Variants in DYRK1A observed in about 807,000 individuals in gnomAD.
DYRK1A encodes the protein dual specificity tyrosine phosphorylation regulated kinase 1A.
Under a neutral mutation model 79.7 loss-of-function variants are expected in DYRK1A, and 9 were observed. The observed-to-expected ratio is 0.11, with a 90% confidence interval of 0.07 to 0.20. DYRK1A has a LOEUF of 0.20. Ranked by LOEUF, DYRK1A falls within the 10% of genes least tolerant of loss-of-function variation. The pLI, the probability that DYRK1A is intolerant of heterozygous loss-of-function variation, is 1.00. For missense variants in DYRK1A, 622 were observed against 956.0 expected (o/e 0.65, Z 4.61); for synonymous variants, 349 against 329.7 (o/e 1.06, Z -0.63).
At chr21:37,429,841 G>A (rs903848721) in intron 2 of DYRK1A, among the ~76,000 whole-genome samples, 4 of 152,044 alleles carry the variant, frequency 2.6e-5, no homozygotes, top group Non-Finnish European at 4.4e-5. Flanking sequence ...CCTTTTCCTC[G>A]TTTCCACTTA....
intron 2 of DYRK1A, among the ~76,000 whole-genome samples, chr21:37,454,630 A>G (rs1356484112): frequency 6.6e-6 from 1 of 152,188 alleles, no homozygotes; most frequent in East Asian, 1.9e-4. Flanking sequence ...TAATTAATGT[A>G]CCTATTGGGT....
intron 1 of DYRK1A, among the ~76,000 whole-genome samples, chr21:37,378,419 C>A (rs2049591472): frequency 6.6e-6 from 1 of 152,214 alleles, no homozygotes; most frequent in Admixed American, 6.5e-5. Context: ...GTAATCCCAG[C>A]TACTGGGGAG....
chr21:37,401,988 C>T (rs779388535), intron 1 of DYRK1A, among the ~76,000 whole-genome samples: 4 of 152,118 alleles, frequency 2.6e-5, no homozygotes, highest in Non-Finnish European at 5.9e-5. Context: ...TTTCCACTTC[C>T]CACTTCCCAT....
At chr21:37,412,504 TAG>T (rs1316324243) in intron 1 of DYRK1A, among the ~76,000 whole-genome samples, 3 of 152,076 alleles carry the variant, frequency 2.0e-5, no homozygotes, top group Non-Finnish European at 4.4e-5. Flanking sequence ...TTTTTGGGAG[TAG>T]AGTCTGATGT....
chr21:37,390,515 A>G (rs142165395), intron 1 of DYRK1A, among the ~76,000 whole-genome samples: 20 of 152,280 alleles, frequency 1.3e-4, no homozygotes, highest in African/African-American at 4.6e-4. Flanking sequence ...CCCATAGTGT[A>G]GTGTTCTTTA....
chr21:37,419,766 A>G (rs536543721), intron 1 of DYRK1A: 3 of 152,320 alleles, frequency 2.0e-5, no homozygotes, highest in Admixed American at 2.0e-4. Flanking sequence ...TTACAATAAA[A>G]TAAGAGAAAC....
In DYRK1A at chr21:37,505,329, T is replaced by C. The variant is rs770275081; in HGVS notation, c.1259T>C (p.Val420Ala). ...GTRKLHNILG[V>A]ETGGPGGRRA... ...CGTAAACTTCATAACATTCTTGGAG[T>C]GGAAACAGGAGGACCTGGTGGGCGA... Residue 420 changes from valine (V) to alanine (A), a missense_variant, in exon 10 of 12, where the codon GTG becomes GCG. By Grantham distance (64) the Val-to-Ala change is moderately conservative. This residue lies in a region of DYRK1A where 80 missense variants were observed against 116.5 expected (regional missense o/e 0.69). Transcript: ENST00000647188. 4 of 1,613,702 alleles carry C rather than the reference T, an allele frequency of 2.5e-6. No individual in the cohort carries two copies. The East Asian group carries it at 8.9e-5, about 36-fold the overall frequency.
At chr21:37,486,356 A>T (rs1197220943) in intron 5 of DYRK1A, 111 bp from the exon 6 acceptor site, 2 of 874,684 alleles carry the variant, frequency 2.3e-6, no homozygotes, top group Non-Finnish European at 3.2e-6. Context: ...AAAAATAATT[A>T]TAAAAACATA....
Position 37,514,501 on chromosome 21 carries a change from T to A in DYRK1A, c.*1970T>A, listed in dbSNP as rs1317253065. The A allele has an allele frequency of 6.6e-6, 1 of 152,648 alleles. No individual in the cohort carries two copies. Among genetic ancestry groups the A allele is most frequent in the Non-Finnish European group, 1.5e-5 (1 of 68,034 alleles). 9.5% of individuals were successfully genotyped at this position (152,648 alleles called of 1,614,324 possible). ...CACCGCGTTTCATTCTATTGGTCAA[T>A]TCCATGTGGCTGACTAGGTCAATTT... On this transcript the variant is annotated 3_prime_UTR_variant, in exon 12 of 12. Coordinates refer to ENST00000647188, the MANE Select transcript of DYRK1A (RefSeq NM_001347721.2).
At position 37,457,026 on chromosome 21, in the gene DYRK1A, TTACTTACTTAC is replaced by T. The variant is rs1446135036; in HGVS notation, c.11-15656_11-15646del. Among the ~76,000 whole-genome samples, 453 of 70,650 alleles carry T rather than the reference TTACTTACTTAC, an allele frequency of 6.4e-3. 3 individuals carry two copies. The highest frequency in any genetic ancestry group is 0.023 in the African/African-American group (380 of 16,194). The allele number at this position is 70,650 out of a possible 152,430, so 46.3% of individuals were successfully genotyped here. ...GTAAAAAGAAAATTTACTTACTTAC[TTACTTACTTAC>T]TTATTTATTTATTTATTTATTTATT... On this transcript the variant is annotated intron_variant, in intron 2 of 11. Coordinates refer to ENST00000647188, the MANE Select transcript of DYRK1A (RefSeq NM_001347721.2).
In DYRK1A at chr21:37,454,144, G is replaced by A. The variant is rs1373351937; in HGVS notation, c.11-18540G>A. 2.3e-5 allele frequency among the ~76,000 whole-genome samples: 3 copies of A among 128,702 alleles called. No homozygotes were observed. In the Admixed American group the frequency reaches 2.9e-4, roughly 12 times the overall value. The allele number at this position is 128,702 out of a possible 152,430, so 84.4% of individuals were successfully genotyped here. The stretch of plus-strand genomic sequence containing the variant: ...GTCTCACTGTGTTGCCCAGGCTGTA[G>A]TGCAGTAGTGTGATCACAGCTCACT... On this transcript the variant is annotated intron_variant, in intron 2 of 11. Coordinates refer to ENST00000647188, the MANE Select transcript of DYRK1A (RefSeq NM_001347721.2).
At chr21:37,381,356 A>G (rs1175046256) in intron 1 of DYRK1A, among the ~76,000 whole-genome samples, 2 of 152,244 alleles carry the variant, frequency 1.3e-5, no homozygotes, top group Admixed American at 1.3e-4. Flanking sequence ...GAATAATTCA[A>G]CAAATGCACA....
intron 2 of DYRK1A, among the ~76,000 whole-genome samples, chr21:37,444,625 C>T (rs1233249112): frequency 0.011 from 3 of 276 alleles, no homozygotes; most frequent in Non-Finnish European, 0.021. Context: ...AATGATTAGT[C>T]ATGGGTGAGG....
intron 5 of DYRK1A, among the ~76,000 whole-genome samples, chr21:37,485,924 A>C (rs2052846964): frequency 1.3e-5 from 2 of 151,136 alleles, no homozygotes; most frequent in South Asian, 4.2e-4. Context: ...TTTGTGTTTG[A>C]TTTTTTTTTA....
intron 1 of DYRK1A, chr21:37,419,691 A>T (rs1371689504): frequency 1.3e-5 from 2 of 152,192 alleles, no homozygotes; most frequent in Non-Finnish European, 2.9e-5. Flanking sequence ...GTAAGTCATT[A>T]TGAATTTTTC....
At position 37,480,658 on chromosome 21, in the gene DYRK1A, G is replaced by A. The variant is rs1447954960; in HGVS notation, c.321G>A (p.Lys107=). Residue 107 remains lysine (K), a synonymous_variant, in exon 5 of 12, where the codon AAG becomes AAA. Coordinates refer to ENST00000647188, the MANE Select transcript of DYRK1A (RefSeq NM_001347721.2). ...TTCAGGTTTACTATGCAAAAAAGAA[G>A]CGAAGACACCAACAGGGCCAGGGAG... ...HINEVYYAKK[K]RRHQQGQGDD... The A allele has an allele frequency of 2.5e-6, 4 of 1,592,454 alleles. No individual in the cohort carries two copies. The Admixed American group carries it at 5.6e-5, about 22-fold the overall frequency.
At chr21:37,503,377 G>A (rs559467628) in intron 9 of DYRK1A, 1 of 151,186 alleles carries the variant, frequency 6.6e-6, no homozygotes, top group East Asian at 1.9e-4. Context: ...TTTTTTCCTT[G>A]TGCTGAGTCC....
chr21:37,407,392 T>C (rs544980595), intron 1 of DYRK1A, among the ~76,000 whole-genome samples: 9 of 152,306 alleles, frequency 5.9e-5, no homozygotes, highest in Admixed American at 1.3e-4. Context: ...CTGTGCTCAA[T>C]AGATTTAAAA....
rs1365990709 is a variant in DYRK1A, at chr21:37,430,389, C to CT, written c.10+10005_10+10006insT. 8 of 985,144 alleles carry CT rather than the reference C, an allele frequency of 8.1e-6. No individual in the cohort carries two copies. In the African/African-American group the frequency reaches 1.2e-4, roughly 15 times the overall value. 61.0% of individuals were successfully genotyped at this position (985,144 alleles called of 1,614,324 possible). A position where few individuals can be genotyped will look rare whatever the true frequency, so the allele number is the denominator to read the frequency against. On this transcript the variant is annotated intron_variant, in intron 2 of 11. Coordinates refer to ENST00000647188, the MANE Select transcript of DYRK1A (RefSeq NM_001347721.2). Reference sequence around the variant, plus strand: ...GTTCCAGTCATAGGAGAAATGTTACCACTGGATTGAGGTCTGGTACATTTT... The same window carrying CT: ...GTTCCAGTCATAGGAGAAATGTTACCTACTGGATTGAGGTCTGGTACATTTT...
Sources: gnomAD v4.1 joint callset for allele counts (sites outside exome capture counted in the v4.1 genomes callset) on GRCh38, gnomAD v4.1.1 for gene constraint, gnomAD v4.1.1 regional missense constraint, MANE v1.5 for transcripts, NCBI Gene and HGNC (gene_info 2026-07-23, HGNC 2026-07-21) for gene names.